Variants in CANT1 observed in about 807,000 individuals in gnomAD.
CANT1 encodes the protein soluble calcium-activated nucleotidase 1.
Under a neutral mutation model 30.0 loss-of-function variants are expected in CANT1, and 26 were observed. The observed-to-expected ratio is 0.87, with a 90% confidence interval of 0.64 to 1.20. The LOEUF is 1.20. CANT1 is among the 50% of genes most tolerant of loss of function. The pLI is 0.00. For synonymous variants in CANT1, 246 were observed against 251.8 expected, an observed-to-expected ratio of 0.98 and a Z score of 0.22; for missense variants, 518 against 563.0, an observed-to-expected ratio of 0.92 and a Z score of 0.81.
Position 78,996,705 on chromosome 17 carries a change from A to G in CANT1, c.631+287T>C, listed in dbSNP as rs921368669. Among the ~76,000 whole-genome samples, 1 of 152,200 alleles carries G rather than the reference A, an allele frequency of 6.6e-6. No homozygotes were observed. The highest frequency in any genetic ancestry group is 1.5e-5 in the Non-Finnish European group (1 of 68,030). ...GCGTGTTCCCAGAGGCTCCGAGAGCAGCAGCGGATACAGCCGAAAACATCT... is the reference window on the plus strand; with the variant it reads ...GCGTGTTCCCAGAGGCTCCGAGAGCGGCAGCGGATACAGCCGAAAACATCT... On this transcript the variant is annotated intron_variant, in intron 3 of 4. Coordinates refer to ENST00000392446, the MANE Select transcript of CANT1 (RefSeq NM_001159773.2). This position sits in a 1 kb window ranked among gnomAD's most constrained non-coding sequence, Gnocchi z 5.1.
Position 79,004,227 on chromosome 17 carries a change from A to G in CANT1, c.-147+5437T>C, listed in dbSNP as rs1322812128. Among the ~76,000 whole-genome samples, 66 of 12,028 alleles carry G rather than the reference A, an allele frequency of 5.5e-3. 1 individual carries two copies. The highest frequency in any genetic ancestry group is 0.012 in the African/African-American group (39 of 3,364). The allele number at this position is 12,028 out of a possible 152,430, so 7.9% of individuals were successfully genotyped here. Reference sequence around the variant, plus strand: ...GTTAGGGAGGGGAGTTAGGGAGAGGAGAGTTAGGGAGAGGGGAGCTAGGGA... The same window carrying G: ...GTTAGGGAGGGGAGTTAGGGAGAGGGGAGTTAGGGAGAGGGGAGCTAGGGA... On this transcript the variant is annotated intron_variant, in intron 1 of 4. Transcript: ENST00000392446.
chr17:78,995,025 C>T lies in CANT1; in HGVS notation c.828G>A (p.Gln276=), dbSNP rs902482658. ...GGGGCAGGCGTCTCTTACCTGGCGG[C>T]TGGATGCCGGCAGCAGCCCGCAGGG... ...YNALRAAAGI[Q]PPGYLIHESA... is the part of the protein sequence containing the mutation. Residue 276 remains glutamine, a synonymous_variant, in exon 4 of 5, where the codon CAG becomes CAA. Transcript: ENST00000392446. This position sits in a 1 kb window ranked among gnomAD's most constrained non-coding sequence, Gnocchi z 5.7. 3.2e-6 allele frequency: 5 copies of T among 1,571,796 alleles called. No individual in the cohort carries two copies. Among genetic ancestry groups the T allele is most frequent in the Admixed American group, 1.8e-5 (1 of 54,108 alleles).
Position 78,997,207 on chromosome 17 carries a change from C to T in CANT1, c.416G>A (p.Ser139Asn). ...CCATTCCACGGCCACCTTGTCCCCA[C>T]TGTCTGACAGGGTCAGGTAGCCCTT... ...LKKGYLTLSD[S>N]GDKVAVEWDK... is the part of the protein sequence containing the mutation. Residue 139 changes from serine to asparagine, a missense_variant, in exon 3 of 5, where the codon AGT (serine) becomes AAT (asparagine). Transcript: ENST00000392446. The surrounding 1 kb of genome is among the most constrained non-coding windows in gnomAD (Gnocchi z 7.5). 1 of 1,614,238 alleles carries T rather than the reference C, an allele frequency of 6.2e-7. No homozygotes were observed. Among genetic ancestry groups the T allele is most frequent in the Non-Finnish European group, 8.5e-7 (1 of 1,180,056 alleles).
chr17:79,007,147 A>C (rs1331443246), intron 1 of CANT1, among the ~76,000 whole-genome samples: 1 of 152,254 alleles, frequency 6.6e-6, no homozygotes, highest in East Asian at 1.9e-4. Flanking sequence ...CAGGGTCCAA[A>C]ACAAAAAACA....
intron 1 of CANT1, among the ~76,000 whole-genome samples, chr17:79,007,697 AG>A (rs1196035406): frequency 3.9e-5 from 6 of 152,166 alleles, no homozygotes; most frequent in Non-Finnish European, 7.4e-5. Flanking sequence ...TCTGCAGCTC[AG>A]GGGGGTCCTG....
Position 78,993,796 on chromosome 17 carries a change from C to T in CANT1, c.960G>A (p.Leu320=). 6.2e-7 allele frequency: 1 copy of T among 1,611,310 alleles called. No homozygotes were observed. Among genetic ancestry groups the T allele is most frequent in the Non-Finnish European group, 8.5e-7 (1 of 1,179,446 alleles). ...KDDERKGANL[L]LSASPDFGDI... is the part of the protein sequence containing the mutation. The stretch of plus-strand genomic sequence containing the variant: ...CGCCGAAGTCAGGGGAGGCGCTCAG[C>T]AGCAGGTTGGCGCCCTTGCGCTCGT... Residue 320 remains leucine (L), a synonymous_variant, in exon 5 of 5, where the codon CTG becomes CTA. Transcript: ENST00000392446. The surrounding 1 kb of genome is among the most constrained non-coding windows in gnomAD (Gnocchi z 4.5).
intron 1 of CANT1, chr17:79,000,107 T>C (rs7214331): frequency 0.048 from 7,354 of 152,508 alleles, 178 homozygotes; most frequent in African/African-American, 0.068. Context: ...TACCTGCATT[T>C]CTGACATGCG....
chr17:79,003,845 C>T (rs1039109021), intron 1 of CANT1, among the ~76,000 whole-genome samples: 20 of 150,314 alleles, frequency 1.3e-4, no homozygotes, highest in African/African-American at 4.9e-4. Flanking sequence ...GGAATAACCA[C>T]CTGCAAGGCT....
Position 79,008,936 on chromosome 17 carries a change from G to A in CANT1, c.-147+728C>T, listed in dbSNP as rs763026478. Among the ~76,000 whole-genome samples the A allele has an allele frequency of 6.6e-6, 1 of 152,202 alleles. No individual in the cohort carries two copies. Among genetic ancestry groups the A allele is most frequent in the African/African-American group, 2.4e-5 (1 of 41,428 alleles). ...CAAGGACTGGGATGGGGTGGGGAAG[G>A]TTGGCCTGTTACAGGTTTGACCAAG... On this transcript the variant is annotated intron_variant, in intron 1 of 4. Coordinates refer to ENST00000392446, the MANE Select transcript of CANT1 (RefSeq NM_001159773.2). The surrounding 1 kb of genome is among the most constrained non-coding windows in gnomAD (Gnocchi z 4.4).
rs2071113363 is a variant in CANT1, at chr17:78,998,310, C to T, written c.-146-347G>A. On this transcript the variant is annotated intron_variant, in intron 1 of 4. Coordinates refer to ENST00000392446, the MANE Select transcript of CANT1 (RefSeq NM_001159773.2). The surrounding 1 kb of genome is among the most constrained non-coding windows in gnomAD (Gnocchi z 4.5). ...TCCTGCAGCATTGGAATACCAAACA[C>T]ATCCAAACCAAATAAAAACACTCCT... 1 of 154,462 alleles carries T rather than the reference C, an allele frequency of 6.5e-6. No homozygotes were observed. The highest frequency in any genetic ancestry group is 2.4e-5 in the African/African-American group (1 of 41,544). The allele number at this position is 154,462 out of a possible 1,614,324, so 9.6% of individuals were successfully genotyped here.
At chr17:79,006,933 A>G (rs1222931644) in intron 1 of CANT1, among the ~76,000 whole-genome samples, 2 of 152,154 alleles carry the variant, frequency 1.3e-5, no homozygotes, top group African/African-American at 4.8e-5. Flanking sequence ...CAACCCGGCA[A>G]CACCCTCAGA....
At chr17:79,004,081 T>G (rs538461914) in intron 1 of CANT1, among the ~76,000 whole-genome samples, 1 of 6,452 alleles carries the variant, frequency 1.5e-4, no homozygotes, top group Non-Finnish European at 3.0e-4. Flanking sequence ...AGAGGGGAGT[T>G]AGGGAGGGGA....
chr17:78,997,474 A>T lies in CANT1; in HGVS notation c.149T>A (p.Phe50Tyr). Residue 50 changes from phenylalanine (F) to tyrosine (Y), a missense_variant, in exon 3 of 5, where the codon TTT (phenylalanine) becomes TAT (tyrosine). By Grantham distance (22) the Phe-to-Tyr change is conservative (BLOSUM62 3). Transcript: ENST00000392446. The surrounding 1 kb of genome is among the most constrained non-coding windows in gnomAD (Gnocchi z 7.5). ...CAGCCAGAGGATGGCAGCACCCACA[A>T]AGAACGTCAGGATCACCTTCCAGCG... ...RPRWKVILTF[F>Y]VGAAILWLLC... 1 of 1,592,840 alleles carries T rather than the reference A, an allele frequency of 6.3e-7. No individual in the cohort carries two copies. The highest frequency in any genetic ancestry group is 8.6e-7 in the Non-Finnish European group (1 of 1,167,198).
chr17:79,002,072 T>A lies in CANT1; in HGVS notation c.-146-4109A>T, dbSNP rs12450128. On this transcript the variant is annotated intron_variant, in intron 1 of 4. Coordinates refer to ENST00000392446, the MANE Select transcript of CANT1 (RefSeq NM_001159773.2). The surrounding 1 kb of genome is among the most constrained non-coding windows in gnomAD (Gnocchi z 4.0). Reference sequence around the variant, plus strand: ...CTCACCCTGATGACTCTCAGAGTCTTGGTCTAATGATCTAGACCAAGCTTG... The same window carrying A: ...CTCACCCTGATGACTCTCAGAGTCTAGGTCTAATGATCTAGACCAAGCTTG... Among the ~76,000 whole-genome samples the A allele has an allele frequency of 6.6e-6, 1 of 152,058 alleles. No homozygotes were observed. Among genetic ancestry groups the A allele is most frequent in the East Asian group, 1.9e-4 (1 of 5,184 alleles).
At chr17:79,003,040 G>A (rs1211751210) in intron 1 of CANT1, among the ~76,000 whole-genome samples, 1 of 152,186 alleles carries the variant, frequency 6.6e-6, no homozygotes, top group African/African-American at 2.4e-5. Context: ...GGAGGCAGGG[G>A]CCTTTCCTCC....
rs2071617955 is a variant in CANT1, at chr17:79,008,171, GC to G, written c.-147+1492del. 2 of 152,388 alleles carry G rather than the reference GC, an allele frequency of 1.3e-5. No homozygotes were observed. 9.4% of individuals were successfully genotyped at this position (152,388 alleles called of 1,614,324 possible). A position where few individuals can be genotyped will look rare whatever the true frequency, so the allele number is the denominator to read the frequency against. On this transcript the variant is annotated intron_variant, in intron 1 of 4. Transcript: ENST00000392446. The surrounding 1 kb of genome is among the most constrained non-coding windows in gnomAD (Gnocchi z 4.4). ...AGTGTGCCTTTCAGCAGGGGCGTGTGCTAGGATAGAGGGCTCATTGAGGCCA... is the reference window on the plus strand; with the variant it reads ...AGTGTGCCTTTCAGCAGGGGCGTGTGTAGGATAGAGGGCTCATTGAGGCCA...
chr17:79,005,200 AG>A (rs552834723), intron 1 of CANT1, among the ~76,000 whole-genome samples: 198 of 86,752 alleles, frequency 2.3e-3, no homozygotes, highest in African/African-American at 8.4e-3. Context: ...AGTTAGGGAG[AG>A]GGGAGTTAGG....
chr17:79,000,989 C>G (rs965599019), intron 1 of CANT1, among the ~76,000 whole-genome samples: 8 of 152,182 alleles, frequency 5.3e-5, no homozygotes, highest in African/African-American at 9.7e-5. Flanking sequence ...CCATTAGCCA[C>G]TTCTTCAACA....
In CANT1 at chr17:78,997,414, G is replaced by C; in HGVS notation, c.209C>G (p.Pro70Arg). 1 of 1,609,736 alleles carries C rather than the reference G, an allele frequency of 6.2e-7. No homozygotes were observed. The highest frequency in any genetic ancestry group is 2.2e-5 in the East Asian group (1 of 44,814). Reference protein sequence around the residue: ...CSHRPAPGRPPTHNAHNWRLG... With the variant: ...CSHRPAPGRPRTHNAHNWRLG... ...CCTCCAGTTGTGTGCATTGTGGGTG[G>C]GGGGCCTGCCGGGGGCCGGGCGGTG... The change falls in exon 3 of 5, where the codon CCC becomes CGC. Residue 70 changes from proline to arginine, a missense_variant. Physicochemically the swap from Pro to Arg is moderately radical, Grantham distance 103. Around this residue, in one of 3 missense-constraint regions of CANT1, gnomAD observed 249 missense variants for 268.8 expected, o/e 0.93. Transcript: ENST00000392446. This position sits in a 1 kb window ranked among gnomAD's most constrained non-coding sequence, Gnocchi z 7.5.
Sources: allele counts gnomAD v4.1 joint callset (sites outside exome capture counted in the v4.1 genomes callset), GRCh38; gene constraint gnomAD v4.1.1; regional missense constraint gnomAD v4.1.1; non-coding constraint Gnocchi (gnomAD v3.1); transcripts MANE v1.5; gene names NCBI Gene and HGNC (gene_info 2026-07-23, HGNC 2026-07-21).